The following STK31 variants were observed in gnomAD, a reference collection of about 807,000 sequenced individuals.
STK31 encodes serine/threonine-protein kinase 31.
A neutral mutation model predicts 129.7 loss-of-function variants in STK31; 89 were observed. The ratio of observed to expected loss-of-function variants is 0.69; its 90% CI spans 0.58 to 0.82. The LOEUF (loss-of-function observed/expected upper bound fraction) is 0.82, where lower values mean the gene tolerates loss of function less well. Among genes scored for constraint, STK31 ranks in the 40% least tolerant of loss-of-function variants. STK31 has a pLI of 0.00. For missense variants in STK31, 1,187 were observed against 1,176.4 expected, an observed-to-expected ratio of 1.01 and a Z score of -0.13; for synonymous variants, 448 against 395.3, an observed-to-expected ratio of 1.13 and a Z score of -1.58.
chr7:23,786,536 C>A lies in STK31; in HGVS notation c.2303C>A (p.Ala768Asp). The change falls in exon 19 of 24, where the codon GCC (alanine) becomes GAC (aspartate). Residue 768 changes from alanine (A) to aspartate (D), a missense_variant. Ala to Asp is a moderately radical substitution (Grantham distance 126). Around this residue, in one of 5 missense-constraint regions of STK31, gnomAD observed 975 missense variants for 934.9 expected, o/e 1.04. Transcript: ENST00000355870. ...TATTCTGTGGATGTTGACACAGAAG[C>A]CAAGGTGATTGAGAGAGCAGCCACC... Reference protein sequence around the residue: ...KGYSVDVDTEAKVIERAATYH... With the variant: ...KGYSVDVDTEDKVIERAATYH... The A allele has an allele frequency of 6.2e-7, 1 of 1,613,462 alleles. No homozygotes were observed. The highest frequency in any genetic ancestry group is 8.5e-7 in the Non-Finnish European group (1 of 1,179,738).
chr7:23,769,818 A>AATACTTTCTAACCAT, intron 13 of STK31, 62 bp downstream of exon 13: 8 of 1,087,704 alleles, frequency 7.4e-6, no homozygotes, highest in South Asian at 1.5e-5. Context: ...TTTCATGGTT[A>AATACTTTCTAACCAT]GAAAGTATTA....
chr7:23,732,313 A>ATATTT (rs1169418583), intron 6 of STK31, among the ~76,000 whole-genome samples: 2 of 152,184 alleles, frequency 1.3e-5, no homozygotes, highest in Admixed American at 6.5e-5. Flanking sequence ...ATGCCTAAAT[A>ATATTT]TATTTTTTAA....
chr7:23,751,296 G>A (rs1219884472), intron 8 of STK31, among the ~76,000 whole-genome samples: 3 of 152,108 alleles, frequency 2.0e-5, no homozygotes, highest in Non-Finnish European at 4.4e-5. Flanking sequence ...CCATGTCTTT[G>A]ATGTTGTGAT....
chr7:23,725,425 C>G (rs140263607), intron 4 of STK31, among the ~76,000 whole-genome samples: 1 of 146,658 alleles, frequency 6.8e-6, no homozygotes, highest in Non-Finnish European at 1.5e-5. Context: ...TGCCTGTAAC[C>G]CCAGATATTT....
intron 10 of STK31, among the ~76,000 whole-genome samples, chr7:23,760,055 G>A (rs1378954384): frequency 6.6e-6 from 1 of 152,198 alleles, no homozygotes; most frequent in Non-Finnish European, 1.5e-5. Flanking sequence ...GAGTAGGGGT[G>A]TGAAAATGAA....
intron 4 of STK31, among the ~76,000 whole-genome samples, chr7:23,720,432 C>A (rs113381468): frequency 2.0e-5 from 3 of 152,282 alleles, no homozygotes; most frequent in African/African-American, 7.2e-5. Context: ...GGCCATCACT[C>A]ATGCTCTTTC....
intron 9 of STK31, among the ~76,000 whole-genome samples, chr7:23,754,024 T>G (rs1258374800): frequency 6.6e-6 from 1 of 152,180 alleles, no homozygotes; most frequent in Non-Finnish European, 1.5e-5. Context: ...AGTTGCCTTT[T>G]TTATAGTTTA....
In STK31 at chr7:23,796,363, T is replaced by TTG. The variant is rs201475706; in HGVS notation, c.2760+5418_2760+5419insGT. 6.9e-4 allele frequency among the ~76,000 whole-genome samples: 105 copies of TTG among 152,066 alleles called. No homozygotes were observed. The Middle Eastern group carries it at 0.014, about 20-fold the overall frequency. ...GAAAGTAAACATATCAAGTTTTTTT[T>TTG]TTTGTTTCTGGGAGGACTCATAAGA... is the stretch of plus-strand genomic sequence containing the variant. On this transcript the variant is annotated intron_variant, in intron 22 of 23. Coordinates refer to ENST00000355870, the MANE Select transcript of STK31 (RefSeq NM_031414.5).
At chr7:23,812,215 G>A (rs2128126006) in intron 22 of STK31, among the ~76,000 whole-genome samples, 1 of 152,200 alleles carries the variant, frequency 6.6e-6, no homozygotes, top group South Asian at 2.1e-4. Context: ...ACTGGACATA[G>A]AATTTGTGGT....
chr7:23,733,214 G>A, intron 6 of STK31, among the ~76,000 whole-genome samples: 1 of 152,016 alleles, frequency 6.6e-6, no homozygotes. Context: ...TAAAACCTGT[G>A]TGTTTGTTAA....
At position 23,728,945 on chromosome 7, in the gene STK31, A is replaced by C; in HGVS notation, c.325-146A>C. On this transcript the variant is annotated intron_variant, in intron 5 of 23. Coordinates refer to ENST00000355870, the MANE Select transcript of STK31 (RefSeq NM_031414.5). The stretch of plus-strand genomic sequence containing the variant: ...TTTTTTTTATTTTGAAGATATTAGA[A>C]ATCTGTTTCTGAATGTATTTTGTCA... The C allele has an allele frequency of 5.1e-6, 3 of 586,546 alleles. No homozygotes were observed. The South Asian group carries it at 1.7e-4, about 33-fold the overall frequency. The allele number at this position is 586,546 out of a possible 1,614,324, so 36.3% of individuals were successfully genotyped here.
In STK31 at chr7:23,748,591, C is replaced by T. The variant is rs539681671; in HGVS notation, c.1018-4126C>T. ...TGAGATAGGAATACCAACCTCTCCT[C>T]TTCCTCCCTGTCCTCAGCCTGCTCA... On this transcript the variant is annotated intron_variant, in intron 8 of 23. Transcript: ENST00000355870. Among the ~76,000 whole-genome samples the T allele has an allele frequency of 4.6e-5, 7 of 152,350 alleles. No individual in the cohort carries two copies. In the South Asian group the frequency reaches 1.4e-3, roughly 32 times the overall value.
chr7:23,786,164 T>C (rs969949093), intron 18 of STK31, among the ~76,000 whole-genome samples: 2 of 152,116 alleles, frequency 1.3e-5, no homozygotes, highest in African/African-American at 4.8e-5. Context: ...TTCTTGATTT[T>C]CTTACATTTC....
chr7:23,786,641 T>A lies in STK31; in HGVS notation c.2400+8T>A, dbSNP rs201140111. Reference sequence around the variant, plus strand: ...TTCCTGTTTTTATGTAAGGTAAAGTTCTTATGCTAATCTCTTGCAGAAACC... The same window carrying A: ...TTCCTGTTTTTATGTAAGGTAAAGTACTTATGCTAATCTCTTGCAGAAACC... On this transcript the variant is annotated splice_region_variant and intron_variant, in intron 19 of 23. Transcript: ENST00000355870. The A allele has an allele frequency of 3.9e-5, 63 of 1,609,290 alleles. No homozygotes were observed. Among genetic ancestry groups the A allele is most frequent in the Middle Eastern group, 1.7e-4 (1 of 6,050 alleles).
intron 12 of STK31, 101 bp from the exon 13 acceptor site, chr7:23,769,539 T>A: frequency 2.6e-6 from 2 of 757,250 alleles, no homozygotes; most frequent in South Asian, 2.5e-5. Context: ...TTCTTTTACA[T>A]TGCCCAGGGT....
intron 21 of STK31, among the ~76,000 whole-genome samples, chr7:23,790,184 T>C (rs1317305009): frequency 6.6e-6 from 1 of 152,172 alleles, no homozygotes; most frequent in Non-Finnish European, 1.5e-5. Flanking sequence ...TGCTAGGCAT[T>C]GTATCTCTGT....
intron 23 of STK31, among the ~76,000 whole-genome samples, chr7:23,830,432 T>G (rs879194030): frequency 1.3e-5 from 2 of 152,198 alleles, no homozygotes; most frequent in Admixed American, 6.5e-5. Context: ...TCATCAGTTT[T>G]GTTATGTTGC....
intron 20 of STK31, 62 bp downstream of exon 20, chr7:23,786,986 TTA>T: frequency 6.8e-7 from 1 of 1,479,346 alleles, no homozygotes; most frequent in Non-Finnish European, 9.4e-7. Context: ...CACCTGATAT[TTA>T]TTCAGGCATA....
intron 23 of STK31, among the ~76,000 whole-genome samples, chr7:23,827,485 G>C (rs563693373): frequency 3.1e-4 from 47 of 152,168 alleles, no homozygotes; most frequent in African/African-American, 1.1e-3. Context: ...GGTTATTCTA[G>C]TTATCCATTT....
Sources: gnomAD v4.1 joint callset for allele counts (sites outside exome capture counted in the v4.1 genomes callset) on GRCh38, gnomAD v4.1.1 for gene constraint, gnomAD v4.1.1 regional missense constraint, MANE v1.5 for transcripts, NCBI Gene and HGNC (gene_info 2026-07-23, HGNC 2026-07-21) for gene names.